Variants in UBASH3A observed in about 807,000 individuals in gnomAD.
UBASH3A encodes the protein ubiquitin associated and SH3 domain containing A.
UBASH3A carries 63 observed loss-of-function variants against 73.5 expected under a neutral mutation model. That is an observed-to-expected ratio of 0.86 (90% CI 0.70 to 1.06). The LOEUF (loss-of-function observed/expected upper bound fraction) is 1.06, where lower values mean the gene tolerates loss of function less well. Ranked by LOEUF, UBASH3A falls within the 50% of genes least tolerant of loss-of-function variation. UBASH3A has a pLI of 0.00. For synonymous variants in UBASH3A, 363 were observed against 351.1 expected (o/e 1.03, Z -0.38); for missense variants, 860 against 859.0 (o/e 1.00, Z -0.02).
Position 42,426,796 on chromosome 21 carries a change from T to C in UBASH3A, c.1146T>C (p.Ser382=). ...AATTTCTTCCACAAACGGCAAGGAG[T>C]CTTAGCAGCTTACAGGCCTTGCAGG... ...SGEFLPQTAR[S]LSSLQALQAT... Residue 382 remains serine, a synonymous_variant, in exon 8 of 15, where the codon AGT becomes AGC. Transcript: ENST00000319294. The C allele has an allele frequency of 6.2e-7, 1 of 1,613,932 alleles. No individual in the cohort carries two copies. Among genetic ancestry groups the C allele is most frequent in the East Asian group, 2.2e-5 (1 of 44,864 alleles).
intron 7 of UBASH3A, among the ~76,000 whole-genome samples, chr21:42,419,913 C>A (rs896539769): frequency 6.6e-6 from 1 of 152,118 alleles, no homozygotes; most frequent in African/African-American, 2.4e-5. Flanking sequence ...GTGTTCTGAG[C>A]GTGTTTAAGG....
chr21:42,427,481 G>T (rs550911635), intron 8 of UBASH3A, among the ~76,000 whole-genome samples: 1 of 152,164 alleles, frequency 6.6e-6, no homozygotes, highest in Non-Finnish European at 1.5e-5. Flanking sequence ...AAATTCGTCC[G>T]CCTGTGCCCT....
intron 10 of UBASH3A, among the ~76,000 whole-genome samples, chr21:42,435,901 A>G (rs1465585607): frequency 6.6e-6 from 1 of 151,404 alleles, no homozygotes; most frequent in Admixed American, 6.6e-5. Flanking sequence ...ATAGAGTTAT[A>G]GAGTTATGGA....
chr21:42,446,149 C>T (rs146181685), intron 14 of UBASH3A, among the ~76,000 whole-genome samples: 1,984 of 152,328 alleles, frequency 0.013, 18 homozygotes, highest in Non-Finnish European at 0.021. Context: ...TCCACCCACT[C>T]CTTGGACCCT....
chr21:42,446,970 G>A, intron 14 of UBASH3A, 87 bp from the exon 15 acceptor site: 1 of 1,456,756 alleles, frequency 6.9e-7, no homozygotes, highest in Non-Finnish European at 9.3e-7. Flanking sequence ...CAAAGTAGAG[G>A]TGTGCCTGAC....
rs1019329818 is a variant in UBASH3A, at chr21:42,435,011, G to A, written c.1393+57G>A. The A allele has an allele frequency of 1.0e-5, 16 of 1,596,416 alleles. No individual in the cohort carries two copies. In the African/African-American group the frequency reaches 1.9e-4, roughly 19 times the overall value. ...AACAATAACAGCAACACTGATTATG[G>A]CTAGCAGGCATCCAGCCTGAGCCCT... On this transcript the variant is annotated intron_variant, in intron 10 of 14. Transcript: ENST00000319294.
At chr21:42,440,830 C>T (rs548125417) in intron 11 of UBASH3A, among the ~76,000 whole-genome samples, 1 of 152,316 alleles carries the variant, frequency 6.6e-6, no homozygotes, top group African/African-American at 2.4e-5. Context: ...ATCTCTTGGC[C>T]AGCCTTTGTA....
chr21:42,430,632 C>G (rs941270614), intron 8 of UBASH3A, among the ~76,000 whole-genome samples: 5 of 152,180 alleles, frequency 3.3e-5, no homozygotes, highest in African/African-American at 9.6e-5. Flanking sequence ...CCAGAAGGCC[C>G]CACAGCCCAC....
Position 42,447,091 on chromosome 21 carries a change from A to G in UBASH3A, c.1883A>G (p.Asn628Ser). 6.2e-7 allele frequency: 1 copy of G among 1,614,196 alleles called. No homozygotes were observed. Among genetic ancestry groups the G allele is most frequent in the South Asian group, 1.1e-5 (1 of 91,068 alleles). Residue 628 changes from asparagine (N) to serine (S), a missense_variant, in exon 15 of 15, where the codon AAT becomes AGT. Physicochemically the swap from Asn to Ser is conservative, Grantham distance 46. Transcript: ENST00000319294. ...CTGGGCATGTGCTTCTGTGAAGAAA[A>G]TAAAGAGGAAGGAAAATGGGAGTTG... ...PSLGMCFCEE[N>S]KEEGKWELVN...
intron 11 of UBASH3A, among the ~76,000 whole-genome samples, chr21:42,438,042 C>A (rs1002964338): frequency 1.3e-5 from 2 of 152,206 alleles, no homozygotes; most frequent in Non-Finnish European, 2.9e-5. Flanking sequence ...TTCTGCAGCT[C>A]CCATCTACGG....
chr21:42,432,201 T>C lies in UBASH3A; in HGVS notation c.1269T>C (p.Asp423=). ...KAWLQQCSTP[D]GKYYRPDLNF... Reference sequence around the variant, plus strand: ...GGCTGCAGCAATGCTCCACTCCTGATGGTAGGTCACACTCAGGCGGGTCTA... The same window carrying C: ...GGCTGCAGCAATGCTCCACTCCTGACGGTAGGTCACACTCAGGCGGGTCTA... Residue 423 remains aspartate, a splice_region_variant and synonymous_variant, in exon 9 of 15, where the codon GAT becomes GAC. Transcript: ENST00000319294. 6.2e-7 allele frequency: 1 copy of C among 1,606,604 alleles called. No individual in the cohort carries two copies. The highest frequency in any genetic ancestry group is 1.7e-4 in the Middle Eastern group (1 of 6,050).
chr21:42,413,023 G>C lies in UBASH3A; in HGVS notation c.355-1G>C, dbSNP rs1405208448. 6.2e-7 allele frequency: 1 copy of C among 1,613,728 alleles called. No individual in the cohort carries two copies. The highest frequency in any genetic ancestry group is 2.2e-5 in the East Asian group (1 of 44,882). On this transcript the variant is annotated splice_acceptor_variant, in intron 3 of 14. Transcript: ENST00000319294. LOFTEE classifies it high-confidence loss of function. The surrounding 1 kb of genome is among the most constrained non-coding windows in gnomAD (Gnocchi z 4.5). ...CACAGGCTCTGTCTCTGTCCCCTTA[G>C]TGTGAAGACCAGAAGGTGGAATGCC...
At chr21:42,425,187 T>C (rs2053413103) in intron 7 of UBASH3A, among the ~76,000 whole-genome samples, 1 of 152,226 alleles carries the variant, frequency 6.6e-6, no homozygotes, top group Non-Finnish European at 1.5e-5. Context: ...TAAGTTACTG[T>C]CAAGAGGCTC....
Position 42,413,066 on chromosome 21 carries a change from A to G in UBASH3A, c.397A>G (p.Arg133Gly), listed in dbSNP as rs758234395. 4 of 1,614,214 alleles carry G rather than the reference A, an allele frequency of 2.5e-6. No homozygotes were observed. Among genetic ancestry groups the G allele is most frequent in the Non-Finnish European group, 2.5e-6 (3 of 1,180,036 alleles). Residue 133 changes from arginine to glycine, a missense_variant, in exon 4 of 15, where the codon AGA (arginine) becomes GGA (glycine). Arg to Gly is a moderately radical substitution (Grantham distance 125). Coordinates refer to ENST00000319294, the MANE Select transcript of UBASH3A (RefSeq NM_018961.4). This position sits in a 1 kb window ranked among gnomAD's most constrained non-coding sequence, Gnocchi z 4.5. ...KVECLYEALK[R>G]AGDRLLGSFP... is the part of the protein sequence containing the mutation. Reference sequence around the variant, plus strand: ...GGAATGCCTGTACGAGGCGCTGAAGAGAGCTGGAGACAGGCTCCTGGGCTC... The same window carrying G: ...GGAATGCCTGTACGAGGCGCTGAAGGGAGCTGGAGACAGGCTCCTGGGCTC...
intron 5 of UBASH3A, 116 bp from the exon 6 acceptor site, chr21:42,416,326 C>A: frequency 8.9e-7 from 1 of 1,129,482 alleles, no homozygotes; most frequent in Non-Finnish European, 1.2e-6. Flanking sequence ...CTGAGCGGGC[C>A]AAATGAGCTC....
intron 1 of UBASH3A, 97 bp from the exon 2 acceptor site, chr21:42,406,211 C>A: frequency 2.0e-6 from 2 of 1,002,792 alleles, no homozygotes; most frequent in East Asian, 2.4e-5. Context: ...AGAGCACCCC[C>A]CAAAGATCCT....
intron 12 of UBASH3A, among the ~76,000 whole-genome samples, chr21:42,442,957 A>G (rs1275252635): frequency 1.3e-5 from 2 of 152,130 alleles, no homozygotes; most frequent in Admixed American, 6.5e-5. Flanking sequence ...TTCTTGCTAA[A>G]CTCACTCTGC....
At chr21:42,424,111 C>G (rs2053392231) in intron 7 of UBASH3A, among the ~76,000 whole-genome samples, 1 of 152,086 alleles carries the variant, frequency 6.6e-6, no homozygotes, top group African/African-American at 2.4e-5. Context: ...CCAGCTGACC[C>G]ACGGACTGAC....
intron 7 of UBASH3A, among the ~76,000 whole-genome samples, chr21:42,425,650 G>A (rs1464904004): frequency 6.6e-6 from 1 of 152,140 alleles, no homozygotes; most frequent in Non-Finnish European, 1.5e-5. Flanking sequence ...ATAGTTTATA[G>A]ATGGAGACAG....
Sources: gnomAD v4.1 joint callset for allele counts (sites outside exome capture counted in the v4.1 genomes callset) on GRCh38, gnomAD v4.1.1 for gene constraint, Gnocchi (gnomAD v3.1) non-coding constraint, MANE v1.5 for transcripts, NCBI Gene and HGNC (gene_info 2026-07-23, HGNC 2026-07-21) for gene names.